The following TRPC4 variants were observed in gnomAD, a reference collection of about 807,000 sequenced individuals.
TRPC4 encodes the protein short transient receptor potential channel 4.
A neutral mutation model predicts 99.4 loss-of-function variants in TRPC4; 49 were observed. The ratio of observed to expected loss-of-function variants is 0.49; its 90% CI spans 0.39 to 0.63. TRPC4 has a LOEUF of 0.63. Among genes scored for constraint, TRPC4 ranks in the 20% least tolerant of loss-of-function variants. The pLI is 0.00. For synonymous variants in TRPC4, 454 were observed against 425.9 expected, an observed-to-expected ratio of 1.07 and a Z score of -0.81; for missense variants, 898 against 1,152.9, an observed-to-expected ratio of 0.78 and a Z score of 3.20.
At chr13:37,729,904 C>T (rs1955188756) in intron 3 of TRPC4, among the ~76,000 whole-genome samples, 1 of 151,968 alleles carries the variant, frequency 6.6e-6, no homozygotes, top group Non-Finnish European at 1.5e-5. Flanking sequence ...TAGAGTGGAT[C>T]GTAGTGATGG....
chr13:37,633,683 A>G lies in TRPC4; in HGVS notation c.*3220T>C, dbSNP rs563392680. ...GTTGCTGTCTACGTCAAGGCAAGAAAGTGAGTATGTTTTTGCATTAGTTTA... is the reference window on the plus strand; with the variant it reads ...GTTGCTGTCTACGTCAAGGCAAGAAGGTGAGTATGTTTTTGCATTAGTTTA... On this transcript the variant is annotated 3_prime_UTR_variant, in exon 11 of 11. Coordinates refer to ENST00000379705, the MANE Select transcript of TRPC4 (RefSeq NM_016179.4). Among the ~76,000 whole-genome samples the G allele has an allele frequency of 1.2e-4, 18 of 152,156 alleles. No homozygotes were observed. Among genetic ancestry groups the G allele is most frequent in the Non-Finnish European group, 2.2e-4 (15 of 67,998 alleles).
intron 1 of TRPC4, among the ~76,000 whole-genome samples, chr13:37,830,648 G>A (rs1369583739): frequency 6.6e-6 from 1 of 151,472 alleles, no homozygotes; most frequent in Non-Finnish European, 1.5e-5. Flanking sequence ...GGAGGCAGAG[G>A]TGGCAGTGAG....
At chr13:37,707,680 A>G (rs1954332089) in intron 3 of TRPC4, among the ~76,000 whole-genome samples, 2 of 152,108 alleles carry the variant, frequency 1.3e-5, no homozygotes, top group Admixed American at 1.3e-4. Context: ...AGTCCTATAG[A>G]CAGTAATCCA....
intron 1 of TRPC4, among the ~76,000 whole-genome samples, chr13:37,840,656 G>A (rs1400065228): frequency 6.6e-6 from 1 of 151,814 alleles, no homozygotes; most frequent in African/African-American, 2.4e-5. Flanking sequence ...TATTTAAAAA[G>A]ATTAATAAAT....
At chr13:37,697,025 C>T (rs1267314119) in intron 3 of TRPC4, among the ~76,000 whole-genome samples, 1 of 150,954 alleles carries the variant, frequency 6.6e-6, no homozygotes, top group Non-Finnish European at 1.5e-5. Flanking sequence ...TACCTCTGGT[C>T]GTGCTCTTCA....
chr13:37,856,003 A>G (rs1321532446), intron 1 of TRPC4, among the ~76,000 whole-genome samples: 1 of 151,786 alleles, frequency 6.6e-6, no homozygotes, highest in Non-Finnish European at 1.5e-5. Flanking sequence ...TAAACCCAAA[A>G]TTAGTAGAAA....
chr13:37,831,778 G>A (rs1473080655), intron 1 of TRPC4, among the ~76,000 whole-genome samples: 2 of 152,118 alleles, frequency 1.3e-5, no homozygotes, highest in Non-Finnish European at 2.9e-5. Context: ...GAAATAATCC[G>A]AGCACAGAGA....
intron 1 of TRPC4, among the ~76,000 whole-genome samples, chr13:37,848,593 A>G (rs770682326): frequency 6.6e-6 from 1 of 152,152 alleles, no homozygotes; most frequent in African/African-American, 2.4e-5. Flanking sequence ...GAATCGGAGC[A>G]AAGTAGGTCT....
intron 2 of TRPC4, among the ~76,000 whole-genome samples, chr13:37,782,491 G>C (rs1357662787): frequency 6.6e-6 from 1 of 151,966 alleles, no homozygotes; most frequent in African/African-American, 2.4e-5. Flanking sequence ...AAATTAGATG[G>C]TGCAACTCAC....
chr13:37,693,180 A>G (rs1348533421), intron 3 of TRPC4, among the ~76,000 whole-genome samples: 2 of 151,986 alleles, frequency 1.3e-5, no homozygotes, highest in African/African-American at 2.4e-5. Context: ...TTTTTTCTCA[A>G]CCTTTCTCAT....
intron 3 of TRPC4, among the ~76,000 whole-genome samples, chr13:37,697,399 T>C (rs1474825722): frequency 1.3e-5 from 2 of 152,230 alleles, no homozygotes; most frequent in African/African-American, 4.8e-5. Flanking sequence ...TGGAATTTGT[T>C]AGTTAAGCCT....
At chr13:37,638,763 T>A (rs534988502) in intron 10 of TRPC4, among the ~76,000 whole-genome samples, 1 of 152,304 alleles carries the variant, frequency 6.6e-6, no homozygotes, top group East Asian at 1.9e-4. Flanking sequence ...GGCTGAAATT[T>A]CAGAAACAGA....
At chr13:37,842,372 G>GAAAAAAAAAAAAAAAAAAAAAA (rs1566216069) in intron 1 of TRPC4, among the ~76,000 whole-genome samples, 1 of 72,092 alleles carries the variant, frequency 1.4e-5, no homozygotes, top group African/African-American at 5.3e-5. Context: ...AAAAAAAAAG[G>GAAAAAAAAAAAAAAAAAAAAAA]AAAAGGAAAA....
chr13:37,696,934 A>T (rs912385), intron 3 of TRPC4, among the ~76,000 whole-genome samples: 47,397 of 117,834 alleles, frequency 0.4, 8,239 homozygotes, highest in Middle Eastern at 0.51. Flanking sequence ...TTTTTTTTTT[A>T]AATCTTTTAT....
chr13:37,744,146 T>C (rs1955673632), intron 3 of TRPC4, among the ~76,000 whole-genome samples: 1 of 152,158 alleles, frequency 6.6e-6, no homozygotes, highest in Non-Finnish European at 1.5e-5. Context: ...ATCGTGTCGA[T>C]TCTTTAAACC....
At chr13:37,833,662 T>C (rs1482877454) in intron 1 of TRPC4, among the ~76,000 whole-genome samples, 3 of 152,132 alleles carry the variant, frequency 2.0e-5, no homozygotes, top group Non-Finnish European at 2.9e-5. Context: ...GTAAGATATT[T>C]CTGGCATCTC....
At chr13:37,691,871 T>A in intron 4 of TRPC4, 128 bp downstream of exon 4, 1 of 911,646 alleles carries the variant, frequency 1.1e-6, no homozygotes, top group Non-Finnish European at 1.6e-6. Context: ...GTGAGGTTCT[T>A]GGAGCTACAA....
intron 2 of TRPC4, among the ~76,000 whole-genome samples, chr13:37,769,524 TTGG>T (rs1283832725): frequency 1.3e-5 from 2 of 151,562 alleles, no homozygotes; most frequent in Admixed American, 1.3e-4. Context: ...TACATTTTGT[TTGG>T]TGATTTATAA....
chr13:37,733,878 T>A (rs1212486070), intron 3 of TRPC4, among the ~76,000 whole-genome samples: 1 of 152,036 alleles, frequency 6.6e-6, no homozygotes, highest in Non-Finnish European at 1.5e-5. Flanking sequence ...TTTATAAAGG[T>A]TGCAAAGATA....
Sources: gnomAD v4.1 joint callset for allele counts (sites outside exome capture counted in the v4.1 genomes callset) on GRCh38, gnomAD v4.1.1 for gene constraint, MANE v1.5 for transcripts, NCBI Gene and HGNC (gene_info 2026-07-23, HGNC 2026-07-21) for gene names.